Variants in HAPLN1 observed in about 807,000 individuals in gnomAD.
The protein encoded by HAPLN1 is Cartilage link protein.
HAPLN1 carries 13 observed loss-of-function variants against 36.5 expected under a neutral mutation model. The ratio of observed to expected loss-of-function variants is 0.36; its 90% CI spans 0.23 to 0.57. The LOEUF is 0.57. HAPLN1 is among the 20% of genes least tolerant of loss of function. HAPLN1 has a pLI of 0.83. For missense variants in HAPLN1, 407 were observed against 439.7 expected, an observed-to-expected ratio of 0.93 and a Z score of 0.66; for synonymous variants, 202 against 169.8, an observed-to-expected ratio of 1.19 and a Z score of -1.48.
At chr5:83,695,300 A>AT (rs757509808) in intron 1 of HAPLN1, among the ~76,000 whole-genome samples, 83 of 151,798 alleles carry the variant, frequency 5.5e-4, no homozygotes, top group Non-Finnish European at 1.0e-3. Flanking sequence ...TAATTTTTGT[A>AT]TTTTTAGTAG....
chr5:83,677,134 C>T (rs1750879054), intron 1 of HAPLN1, among the ~76,000 whole-genome samples: 2 of 152,176 alleles, frequency 1.3e-5, no homozygotes, highest in South Asian at 4.1e-4. Flanking sequence ...ATGTGTGCTA[C>T]TTCATGTGCC....
intron 2 of HAPLN1, among the ~76,000 whole-genome samples, chr5:83,653,694 G>C (rs1349523628): frequency 6.6e-6 from 1 of 151,832 alleles, no homozygotes; most frequent in Non-Finnish European, 1.5e-5. Flanking sequence ...TTTCCTCCAA[G>C]TCCTTCCTCC....
At chr5:83,670,654 T>A (rs1034231658) in intron 2 of HAPLN1, among the ~76,000 whole-genome samples, 3 of 151,928 alleles carry the variant, frequency 2.0e-5, no homozygotes, top group African/African-American at 7.3e-5. Flanking sequence ...CACTTGCTAT[T>A]TTCTTTCCTG....
At chr5:83,713,819 G>A (rs1001032329) in intron 1 of HAPLN1, among the ~76,000 whole-genome samples, 2 of 152,186 alleles carry the variant, frequency 1.3e-5, no homozygotes, top group Non-Finnish European at 2.9e-5. Context: ...ATCCCATTCA[G>A]TCATGCCTAC....
intron 2 of HAPLN1, among the ~76,000 whole-genome samples, chr5:83,654,790 T>C (rs1750167876): frequency 6.6e-6 from 1 of 152,230 alleles, no homozygotes; most frequent in African/African-American, 2.4e-5. Context: ...AGGGCTCTAA[T>C]GTGACATAGA....
At chr5:83,688,777 A>G (rs1289780040) in intron 1 of HAPLN1, among the ~76,000 whole-genome samples, 1 of 151,320 alleles carries the variant, frequency 6.6e-6, no homozygotes, top group Non-Finnish European at 1.5e-5. Flanking sequence ...CATTCAGGGA[A>G]ACGGTGGACA....
intron 2 of HAPLN1, among the ~76,000 whole-genome samples, chr5:83,668,403 G>A (rs190472049): frequency 8.1e-4 from 123 of 152,332 alleles, no homozygotes; most frequent in African/African-American, 2.7e-3. Context: ...TTATCAGCCA[G>A]GTAGCCTGGG....
Position 83,652,615 on chromosome 5 carries a change from T to A in HAPLN1, c.310A>T (p.Thr104Ser), listed in dbSNP as rs780860458. Residue 104 changes from threonine to serine, a missense_variant, in exon 3 of 5, where the codon ACC becomes TCC. Transcript: ENST00000274341. ...VFVSMGYHKK[T>S]YGGYQGRVFL... ...ACTCTACCCTGGTAGCCTCCATAGG[T>A]TTTTTTGTGGTATCCCATGGAAACA... 22 of 1,613,926 alleles carry A rather than the reference T, an allele frequency of 1.4e-5. No homozygotes were observed. The highest frequency in any genetic ancestry group is 3.3e-5 in the Admixed American group (2 of 59,992).
At chr5:83,660,987 G>A (rs1052959362) in intron 2 of HAPLN1, among the ~76,000 whole-genome samples, 40 of 152,234 alleles carry the variant, frequency 2.6e-4, no homozygotes, top group Admixed American at 1.4e-3. Flanking sequence ...ACAAAACAGC[G>A]TCTATCTTCT....
intron 1 of HAPLN1, among the ~76,000 whole-genome samples, chr5:83,697,655 T>C (rs1276219662): frequency 6.6e-6 from 1 of 152,190 alleles, no homozygotes; most frequent in Non-Finnish European, 1.5e-5. Flanking sequence ...CAACCATGCA[T>C]GAGGGTTCCA....
At chr5:83,691,842 G>C (rs1389161258) in intron 1 of HAPLN1, among the ~76,000 whole-genome samples, 2 of 151,788 alleles carry the variant, frequency 1.3e-5, no homozygotes, top group African/African-American at 2.4e-5. Flanking sequence ...AGAAACAGTA[G>C]ATAAGAACAT....
At chr5:83,676,537 T>C (rs766799999) in intron 1 of HAPLN1, among the ~76,000 whole-genome samples, 4 of 152,156 alleles carry the variant, frequency 2.6e-5, no homozygotes, top group Admixed American at 6.6e-5. Flanking sequence ...ACTGAGGTCA[T>C]TGAGGTCAAG....
At chr5:83,648,135 A>G (rs1435826043) in intron 3 of HAPLN1, among the ~76,000 whole-genome samples, 1 of 151,904 alleles carries the variant, frequency 6.6e-6, no homozygotes, top group Admixed American at 6.6e-5. Flanking sequence ...CATCTGTATA[A>G]AGCTTGTTGC....
intron 2 of HAPLN1, among the ~76,000 whole-genome samples, chr5:83,672,198 C>T (rs111484388): frequency 1.0e-3 from 154 of 152,188 alleles, no homozygotes; most frequent in African/African-American, 3.3e-3. Flanking sequence ...TTATTAATAA[C>T]GACTAGGTAT....
At chr5:83,696,777 T>C (rs1050923462) in intron 1 of HAPLN1, among the ~76,000 whole-genome samples, 1 of 152,162 alleles carries the variant, frequency 6.6e-6, no homozygotes, top group Non-Finnish European at 1.5e-5. Context: ...TAATTACAAA[T>C]GACATAAAAA....
intron 1 of HAPLN1, among the ~76,000 whole-genome samples, chr5:83,718,858 G>A (rs1356761964): frequency 2.6e-5 from 4 of 152,126 alleles, no homozygotes; most frequent in Non-Finnish European, 5.9e-5. Context: ...TCTAAGGAAG[G>A]GAGTCATTTT....
intron 1 of HAPLN1, among the ~76,000 whole-genome samples, chr5:83,686,208 C>T (rs187230093): frequency 6.6e-6 from 1 of 150,580 alleles, no homozygotes; most frequent in East Asian, 2.0e-4. Context: ...TCATTTCTTC[C>T]TACTTGCTAA....
chr5:83,687,434 C>T (rs1041314369), intron 1 of HAPLN1, among the ~76,000 whole-genome samples: 1 of 152,170 alleles, frequency 6.6e-6, no homozygotes, highest in Non-Finnish European at 1.5e-5. Flanking sequence ...TACTTGCTGG[C>T]ATCATGTTCA....
rs60890807 is a variant in HAPLN1 at position 83,655,517 on chromosome 5, G to GGTGTGT, written c.101-2699_101-2694dup. 9.3e-4 allele frequency among the ~76,000 whole-genome samples: 138 copies of GGTGTGT among 147,874 alleles called. 1 individual carries two copies. Among genetic ancestry groups the GGTGTGT allele is most frequent in the South Asian group, 2.6e-3 (12 of 4,620 alleles). ...ATTCTACCATTCTCATTCACTTTGG[G>GGTGTGT]GTGTGTGTGTGTGTGTGTGTGTGTG... On this transcript the variant is annotated intron_variant, in intron 2 of 4. Transcript: ENST00000274341.
Sources: allele counts gnomAD v4.1 joint callset (sites outside exome capture counted in the v4.1 genomes callset), GRCh38; gene constraint gnomAD v4.1.1; transcripts MANE v1.5; gene names NCBI Gene and HGNC (gene_info 2026-07-23, HGNC 2026-07-21).